PRRG4: variants seen among roughly 807,000 people sequenced by gnomAD.
PRRG4 encodes proline rich and Gla domain 4, also known as transmembrane gamma-carboxyglutamic acid protein 4.
In PRRG4, 12 loss-of-function variants were observed where a neutral mutation model predicts 20.0. The observed-to-expected ratio is 0.60, with a 90% confidence interval of 0.38 to 0.97. PRRG4 has a LOEUF of 0.97. PRRG4 is among the 50% of genes least tolerant of loss of function. PRRG4 has a pLI of 0.00. For missense variants in PRRG4, 199 were observed against 265.1 expected, an observed-to-expected ratio of 0.75 and a Z score of 1.73; for synonymous variants, 94 against 96.4, an observed-to-expected ratio of 0.98 and a Z score of 0.15.
chr11:32,853,107 C>G (rs2133452887), intron 5 of PRRG4, among the ~76,000 whole-genome samples, 189 bp from the exon 6 acceptor site: 1 of 152,152 alleles, frequency 6.6e-6, no homozygotes, highest in African/African-American at 2.4e-5. Context: ...ATTTCAAACC[C>G]ATGTCTGACT....
In PRRG4 at chr11:32,853,359, G is replaced by A; in HGVS notation, c.513G>A (p.Glu171=). Residue 171 remains glutamate, a synonymous_variant, in exon 6 of 6, where the codon GAG becomes GAA. Transcript: ENST00000257836. ...CCATCATTTTCAGAAGACCTGAGGA[G>A]GCTGCCTTGTCTCCATTGCCGCCTT... is the stretch of plus-strand genomic sequence containing the variant. The part of the protein sequence containing the change: ...TPSIIFRRPE[E]AALSPLPPSV... 6.2e-7 allele frequency: 1 copy of A among 1,614,142 alleles called. No homozygotes were observed. The highest frequency in any genetic ancestry group is 1.7e-5 in the Admixed American group (1 of 60,012).
intron 2 of PRRG4, among the ~76,000 whole-genome samples, chr11:32,834,835 A>G (rs1291093091): frequency 6.6e-6 from 1 of 152,000 alleles, no homozygotes; most frequent in Admixed American, 6.6e-5. Flanking sequence ...TTATTTAGAG[A>G]TAGGATCTTG....
chr11:32,850,297 T>C (rs928748279), intron 5 of PRRG4, among the ~76,000 whole-genome samples: 4 of 152,194 alleles, frequency 2.6e-5, no homozygotes, highest in Admixed American at 1.3e-4. Context: ...ACCTTTTTTT[T>C]CCCCTGAAAC....
chr11:32,837,522 TGATGATGATGATGATGATG>T (rs1851032167), intron 3 of PRRG4, among the ~76,000 whole-genome samples: 2 of 108,636 alleles, frequency 1.8e-5, no homozygotes, highest in African/African-American at 7.2e-5. Context: ...ATGATGATGA[TGATGATGATGATGATGATG>T]ATTATTATTA....
At chr11:32,829,813 A>C, upstream of PRRG4, 1 of 985,398 alleles carries the variant, frequency 1.0e-6, no homozygotes, top group Non-Finnish European at 1.2e-6. Context: ...CTGAGAGCGC[A>C]GCGCGGGCTC....
chr11:32,832,872 C>T (rs781388065), intron 2 of PRRG4, among the ~76,000 whole-genome samples: 13 of 152,004 alleles, frequency 8.6e-5, no homozygotes, highest in African/African-American at 1.7e-4. Flanking sequence ...AGGAGAAGAA[C>T]GGAATATCTG....
rs1850963523 is a variant in PRRG4 at position 32,830,775 on chromosome 11, GT to G, written c.103+145del. On this transcript the variant is annotated intron_variant, in intron 2 of 5. Transcript: ENST00000257836. ...TTTAATTTGTGGCATATTTGGCAAG[GT>G]TGTGTTTTTTTATGTTCTTTAACTG... 6 of 1,374,180 alleles carry G rather than the reference GT, an allele frequency of 4.4e-6. No homozygotes were observed. In the African/African-American group the frequency reaches 5.9e-5, roughly 14 times the overall value. 85.1% of individuals were successfully genotyped at this position (1,374,180 alleles called of 1,614,324 possible).
At chr11:32,837,507 AGATGATGATGATGATGAT>A (rs145836180) in intron 3 of PRRG4, among the ~76,000 whole-genome samples, 8 of 134,692 alleles carry the variant, frequency 5.9e-5, no homozygotes, top group African/African-American at 1.9e-4. Context: ...TAACTAACTG[AGATGATGATGATGATGAT>A]GATGATGATG....
At chr11:32,849,272 A>AT (rs974676074) in intron 5 of PRRG4, among the ~76,000 whole-genome samples, 2 of 152,084 alleles carry the variant, frequency 1.3e-5, no homozygotes, top group African/African-American at 4.8e-5. Flanking sequence ...AGGTGCGAGA[A>AT]TTGATTGAGC....
Position 32,842,663 on chromosome 11 carries a change from T to A in PRRG4, c.449+2424T>A, listed in dbSNP as rs1851090030. Among the ~76,000 whole-genome samples the A allele has an allele frequency of 1.3e-5, 2 of 151,890 alleles. 1 individual carries two copies. The highest frequency in any genetic ancestry group is 4.2e-4 in the South Asian group (2 of 4,818). On this transcript the variant is annotated intron_variant, in intron 5 of 5. Coordinates refer to ENST00000257836, the MANE Select transcript of PRRG4 (RefSeq NM_024081.6). ...TGAACCCAGGAGGCAGAGGTTGTGG[T>A]GAGCCGAGATCAAGCCATTGCACTC...
At chr11:32,830,359 G>T in intron 1 of PRRG4, 149 bp from the exon 2 acceptor site, 1 of 818,650 alleles carries the variant, frequency 1.2e-6, no homozygotes. Flanking sequence ...CTTCCTGGGC[G>T]CGCGTCGGGT....
intron 3 of PRRG4, 26 bp downstream of exon 3, chr11:32,836,847 G>A: frequency 3.1e-6 from 5 of 1,588,954 alleles, no homozygotes; most frequent in Non-Finnish European, 4.3e-6. Flanking sequence ...ATGTTAATTG[G>A]CTGGAAATGT....
chr11:32,833,897 T>G (rs2133437898), intron 2 of PRRG4, among the ~76,000 whole-genome samples: 1 of 148,992 alleles, frequency 6.7e-6, no homozygotes, highest in Admixed American at 6.7e-5. Flanking sequence ...GTGCCAGGGG[T>G]GGGTAGGGAT....
At chr11:32,832,627 C>T (rs966129418) in intron 2 of PRRG4, among the ~76,000 whole-genome samples, 2 of 151,900 alleles carry the variant, frequency 1.3e-5, no homozygotes, top group South Asian at 2.1e-4. Context: ...ATTACAGGTG[C>T]GCACCACTGT....
chr11:32,857,898 G>A lies in PRRG4; in HGVS notation c.*4371G>A, dbSNP rs1851241341. 1 of 152,002 alleles carries A rather than the reference G, an allele frequency of 6.6e-6. No homozygotes were observed. Among genetic ancestry groups the A allele is most frequent in the Non-Finnish European group, 1.5e-5 (1 of 67,974 alleles). 9.4% of individuals were successfully genotyped at this position (152,002 alleles called of 1,614,324 possible). ...GTACCTTCATTCTTCTATATTTTGTGTCTCCTCCAACCTCCAACTTTTTTT... is the reference window on the plus strand; with the variant it reads ...GTACCTTCATTCTTCTATATTTTGTATCTCCTCCAACCTCCAACTTTTTTT... On this transcript the variant is annotated 3_prime_UTR_variant, in exon 6 of 6. Transcript: ENST00000257836.
chr11:32,834,060 A>G (rs1850998337), intron 2 of PRRG4, among the ~76,000 whole-genome samples: 1 of 152,162 alleles, frequency 6.6e-6, no homozygotes, highest in Admixed American at 6.5e-5. Context: ...TACGTGAGGG[A>G]TAGTGGTGGG....
rs1317241893 is a variant in PRRG4 at position 32,856,648 on chromosome 11, G to T, written c.*3121G>T. 6.6e-6 allele frequency: 1 copy of T among 152,034 alleles called. No homozygotes were observed. Among genetic ancestry groups the T allele is most frequent in the Admixed American group, 6.6e-5 (1 of 15,250 alleles). 9.4% of individuals were successfully genotyped at this position (152,034 alleles called of 1,614,324 possible). ...CAAGGTTTTATATATAATTAGATCAGTTTTCCACTTTATTACAATTAAGAA... is the reference window on the plus strand; with the variant it reads ...CAAGGTTTTATATATAATTAGATCATTTTTCCACTTTATTACAATTAAGAA... On this transcript the variant is annotated 3_prime_UTR_variant, in exon 6 of 6. Transcript: ENST00000257836.
chr11:32,852,454 A>C lies in PRRG4; in HGVS notation c.450-842A>C, dbSNP rs957073684. Among the ~76,000 whole-genome samples, 3 of 152,202 alleles carry C rather than the reference A, an allele frequency of 2.0e-5. No individual in the cohort carries two copies. In the East Asian group the frequency reaches 5.8e-4, roughly 29 times the overall value. Reference sequence around the variant, plus strand: ...GGAGGAGAGAGACAGGCATCAGCCTATTGTGATTACCTCTGTGACATCTAT... The same window carrying C: ...GGAGGAGAGAGACAGGCATCAGCCTCTTGTGATTACCTCTGTGACATCTAT... On this transcript the variant is annotated intron_variant, in intron 5 of 5. Coordinates refer to ENST00000257836, the MANE Select transcript of PRRG4 (RefSeq NM_024081.6).
At chr11:32,849,317 G>A (rs1487305127) in intron 5 of PRRG4, among the ~76,000 whole-genome samples, 4 of 151,944 alleles carry the variant, frequency 2.6e-5, no homozygotes, top group South Asian at 2.1e-4. Flanking sequence ...CCAAGATCAC[G>A]CCACCACACT....
Sources: allele counts gnomAD v4.1 joint callset (sites outside exome capture counted in the v4.1 genomes callset), GRCh38; gene constraint gnomAD v4.1.1; transcripts MANE v1.5; gene names NCBI Gene and HGNC (gene_info 2026-07-23, HGNC 2026-07-21).